The following CSNK2A1 variants were observed in gnomAD, a reference collection of about 807,000 sequenced individuals.
CSNK2A1 encodes the protein casein kinase II subunit alpha.
In CSNK2A1, 10 loss-of-function variants were observed where a neutral mutation model predicts 62.9. The ratio of observed to expected loss-of-function variants is 0.16; its 90% confidence interval spans 0.10 to 0.27. The LOEUF is 0.27. Ranked by LOEUF, CSNK2A1 falls within the 10% of genes least tolerant of loss-of-function variation. The probability of loss-of-function intolerance (pLI) is 1.00; values close to 1 mark genes in which losing one functional copy is unlikely to be tolerated. For missense variants in CSNK2A1, 160 were observed against 492.0 expected (o/e 0.33, Z 6.38); for synonymous variants, 124 against 167.8 (o/e 0.74, Z 2.02).
intron 13 of CSNK2A1, 93 bp downstream of exon 13, chr20:486,283 G>A: frequency 1.4e-6 from 2 of 1,451,472 alleles, no homozygotes; most frequent in Non-Finnish European, 9.5e-7. Flanking sequence ...CACCAGTACG[G>A]AGAAGAGAAG....
chr20:540,144 G>C (rs1362369064), intron 1 of CSNK2A1: 1 of 152,174 alleles, frequency 6.6e-6, no homozygotes, highest in African/African-American at 2.4e-5. Flanking sequence ...TTATCAGCCT[G>C]CTTCCTATCA....
rs553916542 is a variant in CSNK2A1, at chr20:500,744, T to C, written c.214-810A>G. ...ACCTCCGCCTCCTGGGTTCACGCCA[T>C]TCTCTTGCCTCAGCCTCCCGAGTAG... On this transcript the variant is annotated intron_variant, in intron 4 of 13. Transcript: ENST00000217244. 9 of 150,746 alleles carry C rather than the reference T, an allele frequency of 6.0e-5. No individual in the cohort carries two copies. The East Asian group carries it at 1.8e-3, about 30-fold the overall frequency. 9.3% of individuals were successfully genotyped at this position (150,746 alleles called of 1,614,324 possible).
At chr20:529,054 T>C (rs545441377) in intron 1 of CSNK2A1, among the ~76,000 whole-genome samples, 3 of 152,306 alleles carry the variant, frequency 2.0e-5, no homozygotes, top group Non-Finnish European at 4.4e-5. Context: ...CCATGTTTGT[T>C]TTTAGAGACG....
chr20:494,527 G>C (rs536194227), intron 8 of CSNK2A1: 162 of 152,332 alleles, frequency 1.1e-3, no homozygotes, highest in African/African-American at 3.3e-3. Context: ...TACCAGCAAT[G>C]TATGAGAGAT....
intron 1 of CSNK2A1, among the ~76,000 whole-genome samples, chr20:537,221 T>C (rs1477374861): frequency 6.6e-6 from 1 of 152,146 alleles, no homozygotes; most frequent in East Asian, 1.9e-4. Context: ...TAAAAAATTA[T>C]AAAACATTAA....
chr20:500,584 A>T (rs1160581032), intron 4 of CSNK2A1: 1 of 151,920 alleles, frequency 6.6e-6, no homozygotes, highest in Non-Finnish European at 1.5e-5. Context: ...ATTTCGGAAT[A>T]TGGCTGAAAC....
At position 499,042 on chromosome 20, in the gene CSNK2A1, T is replaced by C. The variant is rs2018404229; in HGVS notation, c.366+213A>G. 2 of 333,550 alleles carry C rather than the reference T, an allele frequency of 6.0e-6. No individual in the cohort carries two copies. The highest frequency in any genetic ancestry group is 9.9e-5 in the Admixed American group (2 of 20,212). 20.7% of individuals were successfully genotyped at this position (333,550 alleles called of 1,614,324 possible). A position where few individuals can be genotyped will look rare whatever the true frequency, so the allele number is the denominator to read the frequency against. On this transcript the variant is annotated intron_variant, in intron 6 of 13. Transcript: ENST00000217244. The surrounding 1 kb of genome is among the most constrained non-coding windows in gnomAD (Gnocchi z 4.2). ...AAGTAGTGAGAAGTCAATGTGTTGG[T>C]CATTAAAAAGAACATTAAACAAATG... is the stretch of plus-strand genomic sequence containing the variant.
At chr20:542,142 C>G (rs1422280575) in intron 1 of CSNK2A1, among the ~76,000 whole-genome samples, 2 of 152,242 alleles carry the variant, frequency 1.3e-5, no homozygotes, top group Non-Finnish European at 2.9e-5. Flanking sequence ...AGTCCCTTTA[C>G]AGTGACAGGT....
At chr20:505,037 A>T (rs2018546062) in intron 4 of CSNK2A1, 81 bp downstream of exon 4, 6 of 1,243,802 alleles carry the variant, frequency 4.8e-6, no homozygotes, top group Non-Finnish European at 6.6e-6. Context: ...AAACCTTTTA[A>T]ATGCTGTTTT....
intron 8 of CSNK2A1, among the ~76,000 whole-genome samples, chr20:493,151 A>ATACT (rs2018269002): frequency 6.6e-6 from 1 of 152,180 alleles, no homozygotes; most frequent in African/African-American, 2.4e-5. Context: ...GTTAAAGGTG[A>ATACT]TACTCATCCT....
At chr20:508,700 C>G in intron 2 of CSNK2A1, 40 bp from the exon 3 acceptor site, 1 of 672,056 alleles carries the variant, frequency 1.5e-6, no homozygotes, top group Non-Finnish European at 2.5e-6. Flanking sequence ...GAATCATTTA[C>G]AGAAGGTATA....
In CSNK2A1 at chr20:479,620, T is replaced by C. The variant is rs572257754; in HGVS notation, c.*4341A>G. 6.6e-6 allele frequency: 1 copy of C among 152,352 alleles called. No homozygotes were observed. The highest frequency in any genetic ancestry group is 1.9e-4 in the East Asian group (1 of 5,194). The allele number at this position is 152,352 out of a possible 1,614,324, so 9.4% of individuals were successfully genotyped here. On this transcript the variant is annotated 3_prime_UTR_variant, in exon 14 of 14. Transcript: ENST00000217244. ...AGAACTCTGTTAGAGGTAGACCACT[T>C]GCAGTAACATTACATTGCTTCTCTA...
Position 483,768 on chromosome 20 carries a change from A to T in CSNK2A1, c.*193T>A. On this transcript the variant is annotated 3_prime_UTR_variant, in exon 14 of 14. Coordinates refer to ENST00000217244, the MANE Select transcript of CSNK2A1 (RefSeq NM_177559.3). Reference sequence around the variant, plus strand: ...CCCTGAGTTATGAAAAGTTCGAGTTAAAAAAAAAAAGAAAAAAGAAAATCA... The same window carrying T: ...CCCTGAGTTATGAAAAGTTCGAGTTTAAAAAAAAAAGAAAAAAGAAAATCA... 4 of 215,368 alleles carry T rather than the reference A, an allele frequency of 1.9e-5. No homozygotes were observed. Among genetic ancestry groups the T allele is most frequent in the Non-Finnish European group, 2.7e-5 (3 of 112,358 alleles). The allele number at this position is 215,368 out of a possible 1,614,324, so 13.3% of individuals were successfully genotyped here.
intron 8 of CSNK2A1, among the ~76,000 whole-genome samples, chr20:493,723 T>A (rs1340966092): frequency 6.6e-6 from 1 of 152,128 alleles, no homozygotes; most frequent in East Asian, 1.9e-4. Context: ...TGATATAATC[T>A]CCTCAACAAG....
At chr20:521,459 T>C (rs1173763652) in intron 2 of CSNK2A1, among the ~76,000 whole-genome samples, 1 of 152,216 alleles carries the variant, frequency 6.6e-6, no homozygotes, top group Non-Finnish European at 1.5e-5. Context: ...AATACATTCC[T>C]GGTAGGAATG....
chr20:520,139 T>C (rs370914923), intron 2 of CSNK2A1, among the ~76,000 whole-genome samples: 6 of 151,876 alleles, frequency 4.0e-5, no homozygotes, highest in East Asian at 1.9e-4. Flanking sequence ...ATAAGAAGCA[T>C]AGGGGAAGAA....
chr20:515,263 G>A (rs553369843), intron 2 of CSNK2A1, among the ~76,000 whole-genome samples: 22 of 152,294 alleles, frequency 1.4e-4, no homozygotes, highest in African/African-American at 4.8e-4. Context: ...AGTGGGAGGT[G>A]ACTCTTGGAT....
intron 2 of CSNK2A1, among the ~76,000 whole-genome samples, chr20:509,083 G>A (rs1051688055): frequency 7.2e-5 from 11 of 152,286 alleles, no homozygotes; most frequent in Non-Finnish European, 1.5e-4. Flanking sequence ...TGGCGGCAAA[G>A]CTAAGAGTAC....
intron 3 of CSNK2A1, 121 bp downstream of exon 3, chr20:508,330 G>T: frequency 9.5e-7 from 1 of 1,052,716 alleles, no homozygotes; most frequent in Non-Finnish European, 1.3e-6. Flanking sequence ...AACACAAATT[G>T]GGCTTTGATC....
Sources: allele counts gnomAD v4.1 joint callset (sites outside exome capture counted in the v4.1 genomes callset), GRCh38; gene constraint gnomAD v4.1.1; non-coding constraint Gnocchi (gnomAD v3.1); transcripts MANE v1.5; gene names NCBI Gene and HGNC (gene_info 2026-07-23, HGNC 2026-07-21).